The following EDAR variants were observed in gnomAD, a reference collection of about 807,000 sequenced individuals.
EDAR encodes tumor necrosis factor receptor superfamily member EDAR.
EDAR carries 38 observed loss-of-function variants against 51.3 expected under a neutral mutation model. The observed-to-expected ratio is 0.74, with a 90% confidence interval of 0.57 to 0.97. EDAR has a LOEUF of 0.97. Ranked by LOEUF, EDAR falls within the 50% of genes least tolerant of loss-of-function variation. The pLI is 0.00. For missense variants in EDAR, 528 were observed against 595.0 expected, an observed-to-expected ratio of 0.89 and a Z score of 1.17; for synonymous variants, 227 against 242.1, an observed-to-expected ratio of 0.94 and a Z score of 0.58.
chr2:108,928,092 G>A (rs555139732), intron 4 of EDAR, among the ~76,000 whole-genome samples: 1 of 152,244 alleles, frequency 6.6e-6, no homozygotes, highest in African/African-American at 2.4e-5. Flanking sequence ...GTCTTCAGCG[G>A]TGGTTTCCAG....
rs201950451 is a variant in EDAR at position 108,910,996 on chromosome 2, G to A, written c.606C>T (p.Ile202=). 2.5e-5 allele frequency: 40 copies of A among 1,614,160 alleles called. No individual in the cohort carries two copies. The East Asian group carries it at 8.0e-4, about 32-fold the overall frequency. Residue 202 remains isoleucine, a synonymous_variant, in exon 7 of 12, where the codon ATC becomes ATT. Coordinates refer to ENST00000258443, the MANE Select transcript of EDAR (RefSeq NM_022336.4). ...MSTIFIMAIA[I]VLIIMFYILK... ...GGATGTAGAACATGATGATGAGGAC[G>A]ATGGCGATGGCCATGATGAAGATGG...
chr2:108,949,163 G>T (rs370576271), intron 1 of EDAR, among the ~76,000 whole-genome samples: 15 of 152,086 alleles, frequency 9.9e-5, no homozygotes, highest in African/African-American at 3.4e-4. Flanking sequence ...GTAGTTTTTT[G>T]TAGAGATGGG....
intron 11 of EDAR, among the ~76,000 whole-genome samples, chr2:108,899,139 T>C (rs1423713835): frequency 6.6e-6 from 1 of 152,080 alleles, no homozygotes; most frequent in Non-Finnish European, 1.5e-5. Flanking sequence ...AATGAACTTC[T>C]GAAAACTAAA....
chr2:108,897,340 A>AATT (rs1182315274), intron 11 of EDAR, 111 bp from the exon 12 acceptor site: 19 of 1,115,694 alleles, frequency 1.7e-5, no homozygotes, highest in Middle Eastern at 2.8e-4. Flanking sequence ...ATTTTTTTAA[A>AATT]ATTATAAAAC....
At chr2:108,974,189 G>A (rs1449325758) in intron 1 of EDAR, among the ~76,000 whole-genome samples, 2 of 151,518 alleles carry the variant, frequency 1.3e-5, no homozygotes, top group African/African-American at 4.9e-5. Flanking sequence ...AATTAGCTGG[G>A]CGTGGTGGCA....
intron 4 of EDAR, among the ~76,000 whole-genome samples, chr2:108,928,375 C>T (rs1697297775): frequency 6.6e-6 from 1 of 152,204 alleles, no homozygotes; most frequent in African/African-American, 2.4e-5. Flanking sequence ...TTCTGCAACT[C>T]CTAGGACACT....
intron 1 of EDAR, among the ~76,000 whole-genome samples, chr2:108,962,873 T>A (rs1161218724): frequency 6.6e-6 from 1 of 152,056 alleles, no homozygotes; most frequent in African/African-American, 2.4e-5. Context: ...CACTCTTCAA[T>A]GGTTTTGTCA....
chr2:108,968,852 A>C (rs1158688428), intron 1 of EDAR, among the ~76,000 whole-genome samples: 3 of 152,198 alleles, frequency 2.0e-5, no homozygotes. Context: ...TCACTCTGCT[A>C]TGCACTATTT....
At chr2:108,972,089 G>C (rs1698245135) in intron 1 of EDAR, among the ~76,000 whole-genome samples, 1 of 152,252 alleles carries the variant, frequency 6.6e-6, no homozygotes, top group Non-Finnish European at 1.5e-5. Flanking sequence ...CCTCAGGAAG[G>C]ACACTGAGCC....
At chr2:108,972,040 T>C (rs983617085) in intron 1 of EDAR, among the ~76,000 whole-genome samples, 1 of 152,170 alleles carries the variant, frequency 6.6e-6, no homozygotes, top group African/African-American at 2.4e-5. Context: ...TCCTCCAGCC[T>C]GGCCTGGCCC....
intron 1 of EDAR, among the ~76,000 whole-genome samples, chr2:108,974,853 C>T (rs1698294912): frequency 6.6e-6 from 1 of 152,194 alleles, no homozygotes; most frequent in Non-Finnish European, 1.5e-5. Flanking sequence ...CCCACCACCC[C>T]GAGCTGCCTC....
chr2:108,903,136 G>A (rs978483025), intron 11 of EDAR, among the ~76,000 whole-genome samples: 17 of 151,996 alleles, frequency 1.1e-4, no homozygotes, highest in South Asian at 6.2e-4. Flanking sequence ...TTAAATTGTC[G>A]TTTACAGTGG....
intron 1 of EDAR, among the ~76,000 whole-genome samples, chr2:108,950,435 T>G (rs1400073411): frequency 6.6e-6 from 1 of 152,174 alleles, no homozygotes. Context: ...GTGATGTCTT[T>G]ATGTAGAGCA....
intron 1 of EDAR, among the ~76,000 whole-genome samples, chr2:108,977,351 C>G (rs1364051269): frequency 6.6e-6 from 1 of 152,224 alleles, no homozygotes; most frequent in Non-Finnish European, 1.5e-5. Flanking sequence ...TCACTGCAAG[C>G]TGCGCCTCCC....
intron 11 of EDAR, among the ~76,000 whole-genome samples, chr2:108,905,079 T>C (rs1399208814): frequency 6.6e-6 from 1 of 152,210 alleles, no homozygotes; most frequent in Non-Finnish European, 1.5e-5. Flanking sequence ...GAGACACAGA[T>C]GCCTGGGATT....
At chr2:108,961,396 GAGGC>G (rs1320494241) in intron 1 of EDAR, among the ~76,000 whole-genome samples, 2 of 152,140 alleles carry the variant, frequency 1.3e-5, no homozygotes, top group Non-Finnish European at 2.9e-5. Context: ...ACCACCAGTG[GAGGC>G]AGGCAGGGAG....
At chr2:108,958,345 A>T (rs1220106405) in intron 1 of EDAR, among the ~76,000 whole-genome samples, 1 of 152,124 alleles carries the variant, frequency 6.6e-6, no homozygotes, top group Non-Finnish European at 1.5e-5. Context: ...ATAATCTAAG[A>T]TAAATACACA....
chr2:108,979,467 T>A (rs980987360), intron 1 of EDAR, among the ~76,000 whole-genome samples: 1 of 147,112 alleles, frequency 6.8e-6, no homozygotes, highest in Admixed American at 6.8e-5. Context: ...TCTCTCTCTC[T>A]CACACACACA....
rs541798099 is a variant in EDAR at position 108,930,341 on chromosome 2, G to A, written c.52-99C>T. 2.4e-4 allele frequency: 348 copies of A among 1,431,436 alleles called. No individual in the cohort carries two copies. In the African/African-American group the frequency reaches 3.8e-3, roughly 16 times the overall value. The allele number at this position is 1,431,436 out of a possible 1,614,324, so 88.7% of individuals were successfully genotyped here. A position where few individuals can be genotyped will look rare whatever the true frequency, so the allele number is the denominator to read the frequency against. On this transcript the variant is annotated intron_variant, in intron 2 of 11. Transcript: ENST00000258443. ...TTGACATAGGAAGGGGGTGCCCTGC[G>A]GTGGGGGCTCTGCTGGGGGCTCGGT...
Sources: allele counts gnomAD v4.1 joint callset (sites outside exome capture counted in the v4.1 genomes callset), GRCh38; gene constraint gnomAD v4.1.1; transcripts MANE v1.5; gene names NCBI Gene and HGNC (gene_info 2026-07-23, HGNC 2026-07-21).